EYS: variants seen among roughly 807,000 people sequenced by gnomAD.
The protein encoded by EYS is EGF-like photoreceptor maintenance factor.
In EYS, 250 loss-of-function variants were observed where a neutral mutation model predicts 282.1. That is an observed-to-expected ratio of 0.89 (90% confidence interval 0.80 to 0.98). The LOEUF is 0.98. EYS is among the 50% of genes least tolerant of loss of function. The pLI is 0.00. For missense variants in EYS, 4,016 were observed against 3,709.0 expected (o/e 1.08, Z -2.15); for synonymous variants, 1,355 against 1,282.9 (o/e 1.06, Z -1.20).
At position 64,664,067 on chromosome 6, in the gene EYS, T is replaced by G. The variant is rs903494987; in HGVS notation, c.3444-37822A>C. 1.1e-4 allele frequency among the ~76,000 whole-genome samples: 17 copies of G among 152,290 alleles called. No homozygotes were observed. In the East Asian group the frequency reaches 3.3e-3, roughly 29 times the overall value. ...GAGGGATGGAAGTAAGCGGCAGGTC[T>G]GCAACGCAGGGATCAGTAGTGGTGG... On this transcript the variant is annotated intron_variant, in intron 22 of 42. Transcript: ENST00000503581.
At chr6:65,040,005 G>A (rs1373462652) in intron 13 of EYS, among the ~76,000 whole-genome samples, 1 of 151,614 alleles carries the variant, frequency 6.6e-6, no homozygotes, top group African/African-American at 2.4e-5. Flanking sequence ...CGGATCTTAA[G>A]AGACTTGCAC....
At position 65,548,508 on chromosome 6, in the gene EYS, T is replaced by G. The variant is rs147586033; in HGVS notation, c.-332-52515A>C. ...TTGAAAAGTAAATGTACACTTTTAT[T>G]TTTAAGTTGTACTGCAAAGGAACTA... is the stretch of plus-strand genomic sequence containing the variant. On this transcript the variant is annotated intron_variant, in intron 2 of 42. Transcript: ENST00000503581. Among the ~76,000 whole-genome samples the G allele has an allele frequency of 6.6e-5, 10 of 152,324 alleles. No individual in the cohort carries two copies. In the East Asian group the frequency reaches 1.9e-3, roughly 29 times the overall value.
intron 12 of EYS, among the ~76,000 whole-genome samples, chr6:65,099,961 C>T (rs995002501): frequency 2.7e-5 from 4 of 150,716 alleles, no homozygotes; most frequent in African/African-American, 9.7e-5. Flanking sequence ...GTGACAATGA[C>T]ATGTGATTAT....
chr6:65,519,470 T>C (rs1482341133), intron 2 of EYS, among the ~76,000 whole-genome samples: 1 of 150,600 alleles, frequency 6.6e-6, no homozygotes, highest in Non-Finnish European at 1.5e-5. Context: ...AACAAAGGCA[T>C]ACCAAATACT....
chr6:65,310,946 C>A (rs1253765230), intron 11 of EYS, among the ~76,000 whole-genome samples: 6 of 151,998 alleles, frequency 3.9e-5, no homozygotes, highest in Non-Finnish European at 8.8e-5. Context: ...AAGGTTAGTT[C>A]TGTAATGACC....
intron 11 of EYS, among the ~76,000 whole-genome samples, chr6:65,309,863 A>T (rs1769108907): frequency 6.6e-6 from 1 of 152,212 alleles, no homozygotes; most frequent in South Asian, 2.1e-4. Context: ...TTTCACAGTG[A>T]CATCCAAGGC....
At chr6:65,352,098 C>T (rs991299962) in intron 9 of EYS, among the ~76,000 whole-genome samples, 3 of 151,968 alleles carry the variant, frequency 2.0e-5, no homozygotes, top group Non-Finnish European at 4.4e-5. Context: ...TTTTGGTCTT[C>T]AGTGTGATCT....
chr6:65,376,732 G>C (rs889876899), intron 8 of EYS, among the ~76,000 whole-genome samples: 2 of 152,232 alleles, frequency 1.3e-5, no homozygotes, highest in Middle Eastern at 3.4e-3. Context: ...CCTAGTCTCT[G>C]ATAAAACAGA....
intron 36 of EYS, among the ~76,000 whole-genome samples, chr6:63,829,092 C>T (rs965173198): frequency 1.3e-5 from 2 of 152,166 alleles, no homozygotes; most frequent in South Asian, 4.1e-4. Flanking sequence ...TGCCATCAAT[C>T]AACAATGAGT....
chr6:65,007,522 G>A (rs1183406314), intron 13 of EYS, among the ~76,000 whole-genome samples: 1 of 152,102 alleles, frequency 6.6e-6, no homozygotes, highest in Non-Finnish European at 1.5e-5. Context: ...GGAGTGAAGT[G>A]CCATATGTAC....
intron 29 of EYS, among the ~76,000 whole-genome samples, chr6:64,311,305 G>A (rs1189260536): frequency 6.6e-6 from 1 of 152,004 alleles, no homozygotes; most frequent in Non-Finnish European, 1.5e-5. Flanking sequence ...ATGACAATTT[G>A]TAATGTAAAA....
chr6:64,269,906 G>GT (rs1298205367), intron 30 of EYS, among the ~76,000 whole-genome samples: 1 of 151,714 alleles, frequency 6.6e-6, no homozygotes, highest in Admixed American at 6.6e-5. Flanking sequence ...TGACTTTGTA[G>GT]TAAAAAAAAG....
At chr6:64,274,492 T>TTTTTTGTTTTTG (rs1316638937) in intron 30 of EYS, among the ~76,000 whole-genome samples, 15 of 149,464 alleles carry the variant, frequency 1.0e-4, no homozygotes, top group Middle Eastern at 3.4e-3. Context: ...TTTTTTTTTT[T>TTTTTTGTTTTTG]TTTTTTTTTT....
chr6:65,018,299 G>A (rs1583403036), intron 13 of EYS, among the ~76,000 whole-genome samples: 1 of 151,316 alleles, frequency 6.6e-6, no homozygotes, highest in South Asian at 2.1e-4. Context: ...AGGGCTGTAA[G>A]AGAGAATGTG....
intron 2 of EYS, among the ~76,000 whole-genome samples, chr6:65,500,171 A>G (rs959234248): frequency 5.0e-4 from 76 of 152,064 alleles, no homozygotes; most frequent in African/African-American, 1.8e-3. Context: ...GCACACACCC[A>G]GTTAGGCTTC....
At chr6:64,125,916 C>T (rs1044456634) in intron 31 of EYS, among the ~76,000 whole-genome samples, 12 of 140,672 alleles carry the variant, frequency 8.5e-5, no homozygotes, top group Non-Finnish European at 1.4e-4. Flanking sequence ...CTATTCTCTT[C>T]TTTTTTTTTT....
At chr6:65,075,827 A>G (rs1006806730) in intron 12 of EYS, among the ~76,000 whole-genome samples, 4 of 152,036 alleles carry the variant, frequency 2.6e-5, no homozygotes, top group African/African-American at 7.2e-5. Context: ...TTCATTTGAA[A>G]TGAAAATTCA....
chr6:63,987,508 G>A (rs1767422891), intron 34 of EYS, among the ~76,000 whole-genome samples: 1 of 151,646 alleles, frequency 6.6e-6, no homozygotes, highest in Non-Finnish European at 1.5e-5. Flanking sequence ...TAATTTAGAT[G>A]TACATAAAAT....
At chr6:65,455,935 A>G (rs1483248335) in intron 5 of EYS, among the ~76,000 whole-genome samples, 1 of 151,540 alleles carries the variant, frequency 6.6e-6, no homozygotes, top group Non-Finnish European at 1.5e-5. Flanking sequence ...AATACCGGAC[A>G]AGGATGCAGG....
Sources: allele counts gnomAD v4.1 joint callset (sites outside exome capture counted in the v4.1 genomes callset), GRCh38; gene constraint gnomAD v4.1.1; transcripts MANE v1.5; gene names NCBI Gene and HGNC (gene_info 2026-07-23, HGNC 2026-07-21).